Variants in KIF17 observed in about 807,000 individuals in gnomAD.
The protein encoded by KIF17 is kinesin family member 17.
KIF17 carries 80 observed loss-of-function variants against 96.8 expected under a neutral mutation model. That is an observed-to-expected ratio of 0.83 (90% confidence interval 0.69 to 1.00). The LOEUF (loss-of-function observed/expected upper bound fraction) is 1.00, where lower values mean the gene tolerates loss of function less well. Ranked by LOEUF, KIF17 falls within the 50% of genes least tolerant of loss-of-function variation. The pLI is 0.00. For synonymous variants in KIF17, 567 were observed against 587.5 expected (o/e 0.97, Z 0.51); for missense variants, 1,280 against 1,372.9 (o/e 0.93, Z 1.07).
At chr1:20,682,982 C>T in intron 10 of KIF17, 98 bp from the exon 11 acceptor site, 1 of 1,022,810 alleles carries the variant, frequency 9.8e-7, no homozygotes, top group Non-Finnish European at 1.5e-6. Context: ...CCCCCCAGAT[C>T]CTTCCAACAA....
chr1:20,662,530 G>C (rs1212776041), downstream of KIF17, among the ~76,000 whole-genome samples: 1 of 152,112 alleles, frequency 6.6e-6, no homozygotes, highest in Non-Finnish European at 1.5e-5. Context: ...CCCAAGTTAA[G>C]CCTCTGCAGA....
At position 20,712,841 on chromosome 1, in the gene KIF17, G is replaced by GATATTATCTATA. The variant is rs1452878398; in HGVS notation, c.480+612_480+613insTATAGATAATAT. ...TAATATAGATATTATCTATATTATA[G>GATATTATCTATA]ATATAGATAATATTATCTATATTAT... is the stretch of plus-strand genomic sequence containing the variant. On this transcript the variant is annotated intron_variant, in intron 3 of 14. Transcript: ENST00000400463. Among the ~76,000 whole-genome samples, 98 of 26,288 alleles carry GATATTATCTATA rather than the reference G, an allele frequency of 3.7e-3. 13 individuals carry two copies. The highest frequency in any genetic ancestry group is 6.1e-3 in the Non-Finnish European group (79 of 13,034). 17.2% of individuals were successfully genotyped at this position (26,288 alleles called of 152,430 possible).
intron 11 of KIF17, among the ~76,000 whole-genome samples, chr1:20,679,531 G>C (rs2053794210): frequency 6.6e-6 from 1 of 152,112 alleles, no homozygotes; most frequent in Non-Finnish European, 1.5e-5. Context: ...AGAGAGGCAG[G>C]CAGGAGAGAT....
At chr1:20,676,568 C>G (rs766393891) in intron 11 of KIF17, among the ~76,000 whole-genome samples, 3 of 152,146 alleles carry the variant, frequency 2.0e-5, no homozygotes, top group African/African-American at 7.2e-5. Context: ...CAGTGGCTCA[C>G]GCCTGTAATC....
At chr1:20,715,351 T>C in intron 2 of KIF17, 142 bp downstream of exon 2, 5 of 1,123,072 alleles carry the variant, frequency 4.5e-6, no homozygotes, top group Non-Finnish European at 6.5e-6. Context: ...CCCACCACCT[T>C]TTCAGAACCC....
chr1:20,669,993 G>GAAA (rs67188527), intron 13 of KIF17, among the ~76,000 whole-genome samples: 2 of 122,562 alleles, frequency 1.6e-5, no homozygotes, highest in Admixed American at 8.3e-5. Flanking sequence ...CTTAGAAAAA[G>GAAA]AAAAAAAAAA....
At chr1:20,663,268 C>G (rs2053468693), downstream of KIF17, among the ~76,000 whole-genome samples, 1 of 152,130 alleles carries the variant, frequency 6.6e-6, no homozygotes, top group Non-Finnish European at 1.5e-5. Context: ...ATCTCACCGG[C>G]TCTGACTCAG....
intron 3 of KIF17, among the ~76,000 whole-genome samples, chr1:20,712,180 G>A (rs917847145): frequency 2.0e-5 from 3 of 152,100 alleles, no homozygotes; most frequent in African/African-American, 4.8e-5. Context: ...AAGGGGAGGA[G>A]GGCTCCCTGC....
chr1:20,664,883 G>A (rs970059899), intron 14 of KIF17, 121 bp from the exon 15 acceptor site: 22 of 915,724 alleles, frequency 2.4e-5, no homozygotes, highest in Middle Eastern at 3.2e-4. Flanking sequence ...CCCAGCCAGA[G>A]GCCCTGGCCC....
At chr1:20,686,998 C>T (rs930576964) in intron 8 of KIF17, among the ~76,000 whole-genome samples, 1 of 152,114 alleles carries the variant, frequency 6.6e-6, no homozygotes. Context: ...AGACCCCCCA[C>T]CCAGCTCACT....
At chr1:20,663,424 G>A (rs1219174635), downstream of KIF17, among the ~76,000 whole-genome samples, 1 of 152,074 alleles carries the variant, frequency 6.6e-6, no homozygotes, top group Non-Finnish European at 1.5e-5. Flanking sequence ...GGGAGGAGGA[G>A]GACTAACACA....
At position 20,704,533 on chromosome 1, in the gene KIF17, T is replaced by C. The variant is rs1475830383; in HGVS notation, c.1037A>G (p.Lys346Arg). The C allele has an allele frequency of 2.5e-6, 4 of 1,614,108 alleles. No individual in the cohort carries two copies. In the African/African-American group the frequency reaches 5.3e-5, roughly 22 times the overall value. The change falls in exon 5 of 15, where the codon AAG becomes AGG. Residue 346 changes from lysine to arginine, a missense_variant. Lys to Arg is a conservative substitution (Grantham distance 26). Coordinates refer to ENST00000400463, the MANE Select transcript of KIF17 (RefSeq NM_001122819.3). The surrounding 1 kb of genome is among the most constrained non-coding windows in gnomAD (Gnocchi z 6.8). ...CTGGTACTCGCGAAGCAGCGCATCCTTGGGGTCCTCATTGATGCGCGGCTT... is the reference window on the plus strand; with the variant it reads ...CTGGTACTCGCGAAGCAGCGCATCCCTGGGGTCCTCATTGATGCGCGGCTT... ...RNKPRINEDP[K>R]DALLREYQEE...
chr1:20,671,533 C>G (rs541264701), intron 12 of KIF17, among the ~76,000 whole-genome samples: 2 of 152,064 alleles, frequency 1.3e-5, no homozygotes, highest in South Asian at 4.2e-4. Context: ...CAGGGTTTCA[C>G]CATGTTGGCC....
intron 11 of KIF17, among the ~76,000 whole-genome samples, chr1:20,681,484 G>A (rs6667935): frequency 0.012 from 1,860 of 151,894 alleles, 39 homozygotes; most frequent in African/African-American, 0.039. Flanking sequence ...GAGCCACCGC[G>A]CCCAGCCAAA....
intron 6 of KIF17, among the ~76,000 whole-genome samples, chr1:20,696,359 G>C (rs1227237310): frequency 6.6e-6 from 1 of 152,188 alleles, no homozygotes; most frequent in Non-Finnish European, 1.5e-5. Context: ...CAGGGATAGC[G>C]GGGTGGGGGA....
At chr1:20,681,003 G>C (rs926299727) in intron 11 of KIF17, among the ~76,000 whole-genome samples, 1 of 150,956 alleles carries the variant, frequency 6.6e-6, no homozygotes, top group Non-Finnish European at 1.5e-5. Context: ...GCGGGCGCCT[G>C]TAGTCCCAGC....
intron 6 of KIF17, among the ~76,000 whole-genome samples, chr1:20,697,978 G>A (rs1451829218): frequency 6.6e-6 from 1 of 152,168 alleles, no homozygotes; most frequent in Non-Finnish European, 1.5e-5. Flanking sequence ...CTGGGGGACA[G>A]ACTCCTCCCC....
chr1:20,681,221 G>A (rs1468337909), intron 11 of KIF17, among the ~76,000 whole-genome samples: 11 of 150,676 alleles, frequency 7.3e-5, no homozygotes, highest in African/African-American at 1.7e-4. Flanking sequence ...ACAGAGTCTC[G>A]CACTGTCACC....
chr1:20,688,954 G>A (rs536891481), intron 7 of KIF17, among the ~76,000 whole-genome samples: 5 of 152,254 alleles, frequency 3.3e-5, no homozygotes, highest in South Asian at 2.1e-4. Flanking sequence ...GGCTCCCGGC[G>A]CCTCTCATAC....
Sources: gnomAD v4.1 joint callset for allele counts (sites outside exome capture counted in the v4.1 genomes callset) on GRCh38, gnomAD v4.1.1 for gene constraint, Gnocchi (gnomAD v3.1) non-coding constraint, MANE v1.5 for transcripts, NCBI Gene and HGNC (gene_info 2026-07-23, HGNC 2026-07-21) for gene names.